DMD: variants seen among roughly 807,000 people sequenced by gnomAD.
DMD encodes mutant dystrophin.
Under a neutral mutation model 330.1 loss-of-function variants are expected in DMD, and 63 were observed. The ratio of observed to expected loss-of-function variants is 0.19; its 90% CI spans 0.16 to 0.24. DMD has a LOEUF of 0.24. Ranked by LOEUF, DMD falls within the 10% of genes least tolerant of loss-of-function variation. The probability of loss-of-function intolerance (pLI) is 1.00; values close to 1 mark genes in which losing one functional copy is unlikely to be tolerated. For synonymous variants in DMD, 1,223 were observed against 959.8 expected (o/e 1.27, Z -5.07); for missense variants, 3,344 against 2,684.1 (o/e 1.25, Z -5.43).
chrX:32,545,566 C>T (rs2048889145), intron 16 of DMD, among the ~76,000 whole-genome samples: 1 of 111,174 alleles, frequency 9.0e-6, no homozygotes. Context: ...ATTTAGCGCC[C>T]CTTCAATATA....
chrX:32,036,051 G>A (rs1484611603), intron 44 of DMD, among the ~76,000 whole-genome samples: 1 of 111,620 alleles, frequency 9.0e-6, no homozygotes, highest in Non-Finnish European at 1.9e-5. Context: ...GTGTGTTAGG[G>A]GGAGTAGACA....
chrX:32,983,516 T>C (rs1394345526), intron 2 of DMD, among the ~76,000 whole-genome samples: 2 of 99,134 alleles, frequency 2.0e-5, no homozygotes, highest in African/African-American at 7.3e-5. Flanking sequence ...GATGAAACTG[T>C]ACAGAACTAA....
chrX:32,747,177 C>G (rs2070148979), intron 7 of DMD, among the ~76,000 whole-genome samples: 1 of 112,443 alleles, frequency 8.9e-6, no homozygotes. Context: ...GATGTGCACT[C>G]AAGTTTGAGA....
At chrX:31,439,713 A>G (rs779477182) in intron 60 of DMD, among the ~76,000 whole-genome samples, 1 of 112,003 alleles carries the variant, frequency 8.9e-6, no homozygotes, top group African/African-American at 3.2e-5. Context: ...AAATGGTATA[A>G]TATTCCTTTA....
intron 2 of DMD, among the ~76,000 whole-genome samples, chrX:32,867,129 C>T (rs730522): frequency 0.4 from 42,854 of 108,075 alleles, 7,336 homozygotes; most frequent in African/African-American, 0.65. Context: ...AGGTTGTATT[C>T]CTTGCCCAAT....
intron 56 of DMD, among the ~76,000 whole-genome samples, chrX:31,497,596 G>A (rs1042250147): frequency 8.9e-6 from 1 of 111,975 alleles, no homozygotes; most frequent in African/African-American, 3.2e-5. Context: ...TTATCTGAAA[G>A]CTTCCCCCGA....
At chrX:31,552,335 G>C (rs185820381) in intron 55 of DMD, among the ~76,000 whole-genome samples, 1 of 111,259 alleles carries the variant, frequency 9.0e-6, no homozygotes, top group East Asian at 2.8e-4. Context: ...ACCACACCCA[G>C]CTAAGTTTTT....
intron 52 of DMD, among the ~76,000 whole-genome samples, chrX:31,684,978 T>C (rs1341172553): frequency 8.9e-6 from 1 of 112,140 alleles, no homozygotes; most frequent in Non-Finnish European, 1.9e-5. Flanking sequence ...ACAAGAATCA[T>C]GGGAATTGTA....
intron 41 of DMD, among the ~76,000 whole-genome samples, chrX:32,341,000 CAAT>C (rs2097738893): frequency 9.0e-6 from 1 of 111,706 alleles, no homozygotes; most frequent in Admixed American, 9.5e-5. Flanking sequence ...AAAGAAGTCA[CAAT>C]AATATGCAAC....
intron 2 of DMD, among the ~76,000 whole-genome samples, chrX:32,993,285 G>A (rs1209331274): frequency 1.8e-5 from 2 of 112,080 alleles, no homozygotes; most frequent in Non-Finnish European, 3.8e-5. Flanking sequence ...ACCCGTTTAT[G>A]TGTCATAACT....
chrX:32,218,501 T>C (rs1397026599), intron 43 of DMD, among the ~76,000 whole-genome samples: 1 of 111,906 alleles, frequency 8.9e-6, no homozygotes, highest in Non-Finnish European at 1.9e-5. Context: ...CAATGGATCA[T>C]ACTTTTGAAT....
At chrX:32,603,905 C>A (rs1473900635) in intron 12 of DMD, among the ~76,000 whole-genome samples, 8 of 111,289 alleles carry the variant, frequency 7.2e-5, no homozygotes, top group Non-Finnish European at 1.5e-4. Context: ...GTATTCACAG[C>A]CGAATTCTAC....
intron 61 of DMD, among the ~76,000 whole-genome samples, chrX:31,341,052 C>A (rs765063524): frequency 3.8e-4 from 42 of 111,897 alleles, no homozygotes; most frequent in Middle Eastern, 9.1e-3. Flanking sequence ...TTATACTGAC[C>A]ATTAAATGCA....
At position 33,094,196 on chromosome X, in the gene DMD, A is replaced by C. The variant is rs145981964; in HGVS notation, c.32-73996T>G. Reference sequence around the variant, plus strand: ...TTACACACAATCACCTGTAGAAAGCAGTTATCATTCTATTCATTTCTTCAT... The same window carrying C: ...TTACACACAATCACCTGTAGAAAGCCGTTATCATTCTATTCATTTCTTCAT... On this transcript the variant is annotated intron_variant, in intron 1 of 78. Transcript: ENST00000357033. Among the ~76,000 whole-genome samples, 785 of 111,819 alleles carry C rather than the reference A, an allele frequency of 7.0e-3. 8 individuals are homozygous for C. Among genetic ancestry groups the C allele is most frequent in the African/African-American group, 0.024 (752 of 30,819 alleles).
chrX:33,319,307 T>C (rs111897113), intron 1 of DMD, among the ~76,000 whole-genome samples: 34 of 111,536 alleles, frequency 3.0e-4, no homozygotes, highest in African/African-American at 1.0e-3. Flanking sequence ...AGTTATTTCA[T>C]AGTGAAGAAT....
intron 44 of DMD, among the ~76,000 whole-genome samples, chrX:32,193,197 C>T (rs2096983582): frequency 1.8e-5 from 2 of 111,767 alleles, no homozygotes; most frequent in Admixed American, 9.6e-5. Flanking sequence ...GCTATGCTTC[C>T]GGTACAGCCT....
At chrX:32,666,354 C>A (rs1182222644) in intron 9 of DMD, among the ~76,000 whole-genome samples, 1 of 110,302 alleles carries the variant, frequency 9.1e-6, no homozygotes, top group African/African-American at 3.3e-5. Context: ...CTCTCCCTAC[C>A]CTTGCCCTCC....
intron 29 of DMD, among the ~76,000 whole-genome samples, chrX:32,436,432 A>C (rs1025222132): frequency 2.7e-5 from 3 of 111,751 alleles, no homozygotes; most frequent in Admixed American, 1.9e-4. Context: ...TTAAAAACTC[A>C]GTCCAGAAAA....
chrX:32,218,130 C>T (rs994345431), intron 43 of DMD, among the ~76,000 whole-genome samples: 2 of 111,440 alleles, frequency 1.8e-5, no homozygotes, highest in Non-Finnish European at 3.8e-5. Flanking sequence ...TGTATGTTTA[C>T]CTAAGACAGT....
Sources: gnomAD v4.1 joint callset for allele counts (sites outside exome capture counted in the v4.1 genomes callset) on GRCh38, gnomAD v4.1.1 for gene constraint, MANE v1.5 for transcripts, NCBI Gene and HGNC (gene_info 2026-07-23, HGNC 2026-07-21) for gene names.